The following PIK3CD variants were observed in gnomAD, a reference collection of about 807,000 sequenced individuals.
The protein encoded by PIK3CD is phosphatidylinositol-4,5-bisphosphate 3-kinase catalytic subunit delta.
Under a neutral mutation model 122.9 loss-of-function variants are expected in PIK3CD, and 20 were observed. That is an observed-to-expected ratio of 0.16 (90% confidence interval 0.11 to 0.24). The LOEUF is 0.24. Ranked by LOEUF, PIK3CD falls within the 10% of genes least tolerant of loss-of-function variation. PIK3CD has a pLI of 1.00. For synonymous variants in PIK3CD, 596 were observed against 593.4 expected (o/e 1.00, Z -0.06); for missense variants, 787 against 1,406.3 (o/e 0.56, Z 7.04).
intron 1 of PIK3CD, among the ~76,000 whole-genome samples, chr1:9,675,074 G>A (rs1279291541): frequency 6.7e-6 from 1 of 148,190 alleles, no homozygotes; most frequent in Non-Finnish European, 1.5e-5. Flanking sequence ...GAAATGCTAA[G>A]CTAATTAGCC....
rs186629980 is a variant in PIK3CD, at chr1:9,714,605, C to T, written c.142-936C>T. On this transcript the variant is annotated intron_variant, in intron 3 of 23. Transcript: ENST00000377346. ...TGACACACCTTGGACCCCTCCAGGC[C>T]GGGCACATAGAGCTGCTTGACAGTC... Among the ~76,000 whole-genome samples the T allele has an allele frequency of 2.2e-3, 340 of 152,246 alleles. 2 individuals carry two copies. Among genetic ancestry groups the T allele is most frequent in the Admixed American group, 7.3e-3 (112 of 15,278 alleles).
chr1:9,716,337 C>T (rs1305446329), intron 5 of PIK3CD, 103 bp from the exon 6 acceptor site: 9 of 1,113,710 alleles, frequency 8.1e-6, no homozygotes, highest in East Asian at 2.4e-5. Context: ...CATTTGTGAA[C>T]TCCCCAGACC....
the PIK3CD span, among the ~76,000 whole-genome samples, chr1:9,639,507 T>A: frequency 1.3e-5 from 2 of 152,176 alleles, no homozygotes; most frequent in East Asian, 3.9e-4. Flanking sequence ...GTAACTAACC[T>A]CATTTTTACA....
Position 9,681,319 on chromosome 1 carries a change from C to T in PIK3CD, c.-137-10148C>T, listed in dbSNP as rs542988650. Among the ~76,000 whole-genome samples, 230 of 152,038 alleles carry T rather than the reference C, an allele frequency of 1.5e-3. 1 individual carries two copies. The highest frequency in any genetic ancestry group is 5.3e-3 in the African/African-American group (218 of 41,306). On this transcript the variant is annotated intron_variant, in intron 1 of 23. Transcript: ENST00000377346. Reference sequence around the variant, plus strand: ...GTGGCACAATCAGAGCTCACTGCAGCCTCCAGCTCCTGGGCTCAAGCAACC... The same window carrying T: ...GTGGCACAATCAGAGCTCACTGCAGTCTCCAGCTCCTGGGCTCAAGCAACC...
At chr1:9,678,317 A>G (rs1376337008) in intron 1 of PIK3CD, among the ~76,000 whole-genome samples, 1 of 150,846 alleles carries the variant, frequency 6.6e-6, no homozygotes, top group African/African-American at 2.4e-5. Context: ...CTATCCAGGC[A>G]TGGTGGCACA....
rs759762858 is a variant in PIK3CD at position 9,719,788 on chromosome 1, G to A, written c.1243-133G>A. 2.5e-6 allele frequency: 2 copies of A among 790,046 alleles called. No homozygotes were observed. The highest frequency in any genetic ancestry group is 2.8e-5 in the South Asian group (2 of 72,160). 48.9% of individuals were successfully genotyped at this position (790,046 alleles called of 1,614,324 possible). A position where few individuals can be genotyped will look rare whatever the true frequency, so the allele number is the denominator to read the frequency against. ...CGGCTCCTCTCCTTCCCCAAGCAGG[G>A]TCTCCCAGGGGTCTGGTTGGGAGAT... is the stretch of plus-strand genomic sequence containing the variant. On this transcript the variant is annotated intron_variant, in intron 9 of 23. Coordinates refer to ENST00000377346, the MANE Select transcript of PIK3CD (RefSeq NM_005026.5). The surrounding 1 kb of genome is among the most constrained non-coding windows in gnomAD (Gnocchi z 5.5).
At position 9,720,658 on chromosome 1, in the gene PIK3CD, G is replaced by A. The variant is rs1199483539; in HGVS notation, c.1518G>A (p.Glu506=). 10 of 1,541,618 alleles carry A rather than the reference G, an allele frequency of 6.5e-6. No individual in the cohort carries two copies. Among genetic ancestry groups the A allele is most frequent in the South Asian group, 1.2e-5 (1 of 83,922 alleles). ...RHSECVHVTE[E]EQLQLREILE... Reference sequence around the variant, plus strand: ...GCGAGTGTGTGCATGTCACCGAGGAGGAGGTGAGTGGGGTGGGGGTGTGGG... The same window carrying A: ...GCGAGTGTGTGCATGTCACCGAGGAAGAGGTGAGTGGGGTGGGGGTGTGGG... The change falls in exon 12 of 24, where the codon GAG becomes GAA. Residue 506 remains glutamate, a synonymous_variant. Transcript: ENST00000377346. The surrounding 1 kb of genome is among the most constrained non-coding windows in gnomAD (Gnocchi z 9.0).
rs1410841680 is a variant in PIK3CD, at chr1:9,728,803, T to TTAAG, written c.*1759_*1762dup. ...GGCGAGAAGAATATTTTCTATTTTT[T>TTAAG]TAAGTCATTTCATGTTTCTGTCTGG... On this transcript the variant is annotated 3_prime_UTR_variant, in exon 24 of 24. Transcript: ENST00000377346. 6.6e-6 allele frequency: 1 copy of TTAAG among 152,258 alleles called. No individual in the cohort carries two copies. Among genetic ancestry groups the TTAAG allele is most frequent in the Non-Finnish European group, 1.5e-5 (1 of 68,048 alleles). The allele number at this position is 152,258 out of a possible 1,614,324, so 9.4% of individuals were successfully genotyped here.
At chr1:9,693,646 C>T (rs1000985249) in intron 2 of PIK3CD, among the ~76,000 whole-genome samples, 6 of 151,550 alleles carry the variant, frequency 4.0e-5, no homozygotes, top group Non-Finnish European at 4.4e-5. Context: ...GTTTCAAAAT[C>T]CCACTAAAAT....
At chr1:9,712,630 A>T (rs934476973) in intron 3 of PIK3CD, among the ~76,000 whole-genome samples, 2 of 152,208 alleles carry the variant, frequency 1.3e-5, no homozygotes, top group African/African-American at 2.4e-5. Context: ...AAAAAATACG[A>T]AAGAAGTAAT....
rs748134247 is a variant in PIK3CD at position 9,719,968 on chromosome 1, C to T, written c.1290C>T (p.Asp430=). 1.2e-5 allele frequency: 20 copies of T among 1,613,702 alleles called. No homozygotes were observed. Among genetic ancestry groups the T allele is most frequent in the Non-Finnish European group, 1.6e-5 (19 of 1,180,036 alleles). Residue 430 remains aspartate, a synonymous_variant, in exon 10 of 24, where the codon GAC becomes GAT. Coordinates refer to ENST00000377346, the MANE Select transcript of PIK3CD (RefSeq NM_005026.5). The surrounding 1 kb of genome is among the most constrained non-coding windows in gnomAD (Gnocchi z 5.5). ...WANLMLFDYK[D]QLKTGERCLY... is the part of the protein sequence containing the mutation. The stretch of plus-strand genomic sequence containing the variant: ...ACCTCATGCTGTTTGACTACAAGGA[C>T]CAGCTTAAGACCGGGGAACGCTGCC...
At chr1:9,654,578 T>C (rs1019198335) in intron 1 of PIK3CD, 2 of 408,578 alleles carry the variant, frequency 4.9e-6, no homozygotes, top group Non-Finnish European at 9.2e-6. Flanking sequence ...CTTGTTTTAC[T>C]TAAATTGCAC....
Position 9,704,619 on chromosome 1 carries a change from C to A in PIK3CD, c.-32-5805C>A, listed in dbSNP as rs1415135157. 6.6e-6 allele frequency among the ~76,000 whole-genome samples: 1 copy of A among 152,242 alleles called. No individual in the cohort carries two copies. On this transcript the variant is annotated intron_variant, in intron 2 of 23. Coordinates refer to ENST00000377346, the MANE Select transcript of PIK3CD (RefSeq NM_005026.5). This position sits in a 1 kb window ranked among gnomAD's most constrained non-coding sequence, Gnocchi z 5.0. ...CCTCCACTTCCCTGGCTCAAGCAAT[C>A]CTCCAGCCTCAGCCTCCCAAGTAGC...
In PIK3CD at chr1:9,722,712, G is replaced by A. The variant is rs1408488458; in HGVS notation, c.2426+106G>A. On this transcript the variant is annotated intron_variant, in intron 19 of 23. Coordinates refer to ENST00000377346, the MANE Select transcript of PIK3CD (RefSeq NM_005026.5). The surrounding 1 kb of genome is among the most constrained non-coding windows in gnomAD (Gnocchi z 7.6). ...AGGTGGCATGACCATCTCAGCCGGG[G>A]AAAGGGCTTTCCTAGGAAGACCCGG... The A allele has an allele frequency of 3.0e-6, 3 of 984,566 alleles. No individual in the cohort carries two copies. Among genetic ancestry groups the A allele is most frequent in the African/African-American group, 1.6e-5 (1 of 62,290 alleles). The allele number at this position is 984,566 out of a possible 1,614,324, so 61.0% of individuals were successfully genotyped here.
At position 9,720,544 on chromosome 1, in the gene PIK3CD, C is replaced by T. The variant is rs554590474; in HGVS notation, c.1471-67C>T. Reference sequence around the variant, plus strand: ...CAAGGATGATTGGGGTGGCAATGCCCGGCCTGGGGGTCCTGCCCGGGCTGG... The same window carrying T: ...CAAGGATGATTGGGGTGGCAATGCCTGGCCTGGGGGTCCTGCCCGGGCTGG... On this transcript the variant is annotated intron_variant, in intron 11 of 23. Transcript: ENST00000377346. The surrounding 1 kb of genome is among the most constrained non-coding windows in gnomAD (Gnocchi z 9.0). 5.8e-5 allele frequency: 90 copies of T among 1,546,396 alleles called. No individual in the cohort carries two copies. Among genetic ancestry groups the T allele is most frequent in the East Asian group, 4.9e-4 (20 of 40,772 alleles).
chr1:9,716,882 G>A, intron 6 of PIK3CD, 77 bp from the exon 7 acceptor site: 2 of 1,599,008 alleles, frequency 1.3e-6, no homozygotes, highest in South Asian at 1.1e-5. Context: ...GGGCAGCTTG[G>A]GGGGTCCTGG....
Position 9,704,368 on chromosome 1 carries a change from T to C in PIK3CD, c.-32-6056T>C, listed in dbSNP as rs895498268. 6.6e-6 allele frequency among the ~76,000 whole-genome samples: 1 copy of C among 152,212 alleles called. No homozygotes were observed. On this transcript the variant is annotated intron_variant, in intron 2 of 23. Coordinates refer to ENST00000377346, the MANE Select transcript of PIK3CD (RefSeq NM_005026.5). The surrounding 1 kb of genome is among the most constrained non-coding windows in gnomAD (Gnocchi z 5.0). ...GGAGTCCCTGGGAGCTCATGCCTCATGTGCTCATCTTGGGCCTCACCAGAC... is the reference window on the plus strand; with the variant it reads ...GGAGTCCCTGGGAGCTCATGCCTCACGTGCTCATCTTGGGCCTCACCAGAC...
chr1:9,720,508 C>T lies in PIK3CD; in HGVS notation c.1471-103C>T. 6.5e-7 allele frequency: 1 copy of T among 1,534,696 alleles called. No individual in the cohort carries two copies. The highest frequency in any genetic ancestry group is 1.4e-5 in the African/African-American group (1 of 72,914). Reference sequence around the variant, plus strand: ...TGTGGATGCGCCTCCATGCAGAGGACAGCGCCCCCTCAAGGATGATTGGGG... The same window carrying T: ...TGTGGATGCGCCTCCATGCAGAGGATAGCGCCCCCTCAAGGATGATTGGGG... On this transcript the variant is annotated intron_variant, in intron 11 of 23. Coordinates refer to ENST00000377346, the MANE Select transcript of PIK3CD (RefSeq NM_005026.5). This position sits in a 1 kb window ranked among gnomAD's most constrained non-coding sequence, Gnocchi z 9.0.
At chr1:9,634,735 C>T in the PIK3CD span, among the ~76,000 whole-genome samples, 7 of 152,164 alleles carry the variant, frequency 4.6e-5, no homozygotes, top group Non-Finnish European at 7.3e-5. Flanking sequence ...CACTCTGCCT[C>T]GAGTCAGCTA....
Sources: gnomAD v4.1 joint callset for allele counts (sites outside exome capture counted in the v4.1 genomes callset) on GRCh38, gnomAD v4.1.1 for gene constraint, Gnocchi (gnomAD v3.1) non-coding constraint, MANE v1.5 for transcripts, NCBI Gene and HGNC (gene_info 2026-07-23, HGNC 2026-07-21) for gene names.